The following IL19 variants were observed in gnomAD, a reference collection of about 807,000 sequenced individuals.
IL19 encodes the protein interleukin 19.
IL19 carries 15 observed loss-of-function variants against 19.5 expected under a neutral mutation model. That is an observed-to-expected ratio of 0.77 (90% CI 0.52 to 1.19). The LOEUF is 1.19. Among genes scored for constraint, IL19 ranks in the 50% most tolerant of loss-of-function variants. IL19 has a pLI of 0.00. For synonymous variants in IL19, 78 were observed against 78.3 expected, an observed-to-expected ratio of 1.00 and a Z score of 0.02; for missense variants, 199 against 213.1, an observed-to-expected ratio of 0.93 and a Z score of 0.41.
At chr1:206,775,081 C>T (rs555299545) in intron 1 of IL19, among the ~76,000 whole-genome samples, 16 of 151,652 alleles carry the variant, frequency 1.1e-4, no homozygotes, top group Admixed American at 7.9e-4. Flanking sequence ...CGCTCTGTTG[C>T]CCAGGCTGGA....
At chr1:206,815,530 C>T (rs545759387) in intron 2 of IL19, among the ~76,000 whole-genome samples, 13 of 152,220 alleles carry the variant, frequency 8.5e-5, no homozygotes, top group African/African-American at 3.1e-4. Context: ...CTTTTAAAAT[C>T]CTGAGTTAAA....
intron 2 of IL19, among the ~76,000 whole-genome samples, chr1:206,816,973 C>G (rs2102471497): frequency 6.6e-6 from 1 of 152,092 alleles, no homozygotes; most frequent in East Asian, 1.9e-4. Context: ...AACTGTGCAC[C>G]AAAGAGTAAG....
intron 5 of IL19, 131 bp downstream of exon 5, chr1:206,840,133 G>A (rs750656886): frequency 1.0e-6 from 1 of 956,666 alleles, no homozygotes; most frequent in Non-Finnish European, 1.7e-6. Flanking sequence ...ACGTCCACAG[G>A]GAGAACTGTG....
At position 206,840,000 on chromosome 1, in the gene IL19, T is replaced by A; in HGVS notation, c.361T>A (p.Cys121Ser). The change falls in exon 5 of 7, where the codon TGT becomes AGT. Residue 121 changes from cysteine (C) to serine (S), a missense_variant and splice_region_variant. By Grantham distance (112) the Cys-to-Ser change is moderately radical. Coordinates refer to ENST00000659997, the MANE Select transcript of IL19 (RefSeq NM_153758.5). ...FLYMQKTLRQ[C>S]QEQRQCHCRQ... ...CTACATGCAGAAAACTCTGCGGCAA[T>A]GTGTGAGTCACTGGGTCAGAATTCC... 1.2e-6 allele frequency: 2 copies of A among 1,614,158 alleles called. No individual in the cohort carries two copies. The highest frequency in any genetic ancestry group is 1.7e-6 in the Non-Finnish European group (2 of 1,180,010).
chr1:206,828,871 GC>G (rs895275698), intron 2 of IL19: 38 of 152,180 alleles, frequency 2.5e-4, no homozygotes, highest in African/African-American at 8.7e-4. Flanking sequence ...TCACTCTGTT[GC>G]CCAGGCTGGA....
At chr1:206,779,873 G>A (rs1675092114) in intron 1 of IL19, among the ~76,000 whole-genome samples, 1 of 142,212 alleles carries the variant, frequency 7.0e-6, no homozygotes, top group Admixed American at 7.1e-5. Flanking sequence ...TTTTTTTAAA[G>A]AGACAGGGTC....
chr1:206,796,287 A>C (rs1311516976), intron 1 of IL19, among the ~76,000 whole-genome samples: 1 of 152,220 alleles, frequency 6.6e-6, no homozygotes, highest in Non-Finnish European at 1.5e-5. Context: ...CACTCGGTCC[A>C]CAACTTCAAA....
intron 2 of IL19, among the ~76,000 whole-genome samples, chr1:206,799,477 C>G (rs550707276): frequency 1.2e-4 from 19 of 152,324 alleles, no homozygotes; most frequent in African/African-American, 4.3e-4. Flanking sequence ...CAGAAGTCAT[C>G]AGAAAGCCAG....
chr1:206,807,851 A>G (rs1675889050), intron 2 of IL19, among the ~76,000 whole-genome samples: 1 of 152,262 alleles, frequency 6.6e-6, no homozygotes, highest in Non-Finnish European at 1.5e-5. Context: ...GTAACTATAT[A>G]TAGAAGCAAA....
At chr1:206,828,540 C>T (rs1163320891) in intron 2 of IL19, among the ~76,000 whole-genome samples, 1 of 152,178 alleles carries the variant, frequency 6.6e-6, no homozygotes, top group Non-Finnish European at 1.5e-5. Flanking sequence ...ATCCTCTTTT[C>T]TGGCAACATC....
chr1:206,827,976 A>C (rs979653630), intron 2 of IL19, among the ~76,000 whole-genome samples: 1 of 152,252 alleles, frequency 6.6e-6, no homozygotes, highest in Non-Finnish European at 1.5e-5. Context: ...AGATGAAAAC[A>C]GACAATGCAT....
chr1:206,775,352 C>T (rs952128365), intron 1 of IL19, among the ~76,000 whole-genome samples: 6 of 151,946 alleles, frequency 3.9e-5, no homozygotes, highest in South Asian at 2.1e-4. Context: ...GTGCCCGGCC[C>T]GGATCTGACT....
chr1:206,837,601 C>T (rs1676843062), intron 4 of IL19, among the ~76,000 whole-genome samples: 2 of 147,500 alleles, frequency 1.4e-5, no homozygotes, highest in African/African-American at 5.0e-5. Flanking sequence ...GTAATTTCAG[C>T]ATTTTGGGAG....
intron 1 of IL19, among the ~76,000 whole-genome samples, chr1:206,775,983 G>A (rs1674980335): frequency 6.6e-6 from 1 of 152,138 alleles, no homozygotes; most frequent in Non-Finnish European, 1.5e-5. Context: ...ATGCATAGTA[G>A]GCATCTAATC....
At chr1:206,816,173 C>G (rs926943415) in intron 2 of IL19, among the ~76,000 whole-genome samples, 1 of 152,036 alleles carries the variant, frequency 6.6e-6, no homozygotes, top group East Asian at 1.9e-4. Flanking sequence ...CAGACCTGCA[C>G]TAATGTCCTT....
intron 1 of IL19, among the ~76,000 whole-genome samples, chr1:206,787,756 T>C (rs1004387670): frequency 2.6e-5 from 4 of 152,224 alleles, no homozygotes; most frequent in African/African-American, 9.6e-5. Context: ...AGCCCCTCTG[T>C]GGTCTTGTCT....
chr1:206,783,612 A>G (rs1229677805), intron 1 of IL19, among the ~76,000 whole-genome samples: 1 of 152,184 alleles, frequency 6.6e-6, no homozygotes, highest in Non-Finnish European at 1.5e-5. Flanking sequence ...CTCTGACAGC[A>G]AAGGCTGGAA....
At chr1:206,805,954 C>G (rs1572557495) in intron 2 of IL19, among the ~76,000 whole-genome samples, 1 of 152,172 alleles carries the variant, frequency 6.6e-6, no homozygotes, top group African/African-American at 2.4e-5. Context: ...GCTGCTCTTG[C>G]TTTTTTCTGG....
chr1:206,827,869 G>T (rs868324168), intron 2 of IL19, among the ~76,000 whole-genome samples: 2 of 152,184 alleles, frequency 1.3e-5, no homozygotes, highest in Non-Finnish European at 2.9e-5. Flanking sequence ...CCCCACCTGG[G>T]TGTCTTTGGG....
Sources: allele counts gnomAD v4.1 joint callset (sites outside exome capture counted in the v4.1 genomes callset), GRCh38; gene constraint gnomAD v4.1.1; transcripts MANE v1.5; gene names NCBI Gene and HGNC (gene_info 2026-07-23, HGNC 2026-07-21).